The following ACADSB variants were observed in gnomAD, a reference collection of about 807,000 sequenced individuals.
ACADSB encodes the protein short/branched chain specific acyl-CoA dehydrogenase, mitochondrial.
In ACADSB, 40 loss-of-function variants were observed where a neutral mutation model predicts 54.1. The observed-to-expected ratio is 0.74, with a 90% CI of 0.57 to 0.96. The LOEUF (loss-of-function observed/expected upper bound fraction) is 0.96. Ranked by LOEUF, ACADSB falls within the 40% of genes least tolerant of loss-of-function variation. The pLI, the probability that ACADSB is intolerant of heterozygous loss-of-function variation, is 0.00. For missense variants in ACADSB, 530 were observed against 510.4 expected (o/e 1.04, Z -0.37); for synonymous variants, 182 against 182.8 (o/e 1.00, Z 0.03).
At position 123,044,459 on chromosome 10, in the gene ACADSB, G is replaced by A. The variant is rs1850523451; in HGVS notation, c.874G>A (p.Glu292Lys). The change falls in exon 7 of 11, where the codon GAA (glutamate) becomes AAA (lysine). Residue 292 changes from glutamate to lysine, a missense_variant. Transcript: ENST00000358776. ...TAAGTATGCCATAGGGAGTCTCAAT[G>A]AAGGTAGAATAGGAATTGCTGCACA... The part of the protein sequence containing the change: ...GYKYAIGSLN[E>K]GRIGIAAQML... 5.0e-6 allele frequency: 8 copies of A among 1,613,706 alleles called. No homozygotes were observed. The highest frequency in any genetic ancestry group is 6.8e-6 in the Non-Finnish European group (8 of 1,179,656).
intron 7 of ACADSB, 105 bp downstream of exon 7, chr10:123,044,590 G>C: frequency 1.1e-6 from 1 of 885,676 alleles, no homozygotes; most frequent in Non-Finnish European, 1.8e-6. Flanking sequence ...ACACAAGATG[G>C]CACCGTTCCC....
chr10:123,015,739 A>ATT (rs925033958), intron 1 of ACADSB, among the ~76,000 whole-genome samples: 1 of 152,242 alleles, frequency 6.6e-6, no homozygotes, highest in Admixed American at 6.5e-5. Context: ...TTGTTGAAAG[A>ATT]TTTCAATAGC....
intron 1 of ACADSB, among the ~76,000 whole-genome samples, chr10:123,018,940 T>C (rs1396122441): frequency 1.3e-5 from 2 of 152,186 alleles, no homozygotes; most frequent in African/African-American, 4.8e-5. Flanking sequence ...AGATGAGATT[T>C]GGGTGGGGAC....
intron 1 of ACADSB, among the ~76,000 whole-genome samples, chr10:123,014,885 AT>A (rs1850091757): frequency 6.6e-6 from 1 of 152,236 alleles, no homozygotes; most frequent in Non-Finnish European, 1.5e-5. Context: ...TTAAGAAATA[AT>A]ATGCCACTAT....
chr10:123,053,981 A>G lies in ACADSB; in HGVS notation c.*216A>G. On this transcript the variant is annotated 3_prime_UTR_variant, in exon 11 of 11. Coordinates refer to ENST00000358776, the MANE Select transcript of ACADSB (RefSeq NM_001609.4). The stretch of plus-strand genomic sequence containing the variant: ...AGGAGATCCACTTTTAAACTTGGGA[A>G]ATAAGCACCTGTATTTTTTTCCAAA... 1.7e-6 allele frequency: 1 copy of G among 605,030 alleles called. No individual in the cohort carries two copies. The highest frequency in any genetic ancestry group is 2.9e-6 in the Non-Finnish European group (1 of 342,602). 37.5% of individuals were successfully genotyped at this position (605,030 alleles called of 1,614,324 possible). A position where few individuals can be genotyped will look rare whatever the true frequency, so the allele number is the denominator to read the frequency against.
chr10:123,029,677 T>C (rs1210714774), intron 1 of ACADSB, among the ~76,000 whole-genome samples: 1 of 152,218 alleles, frequency 6.6e-6, no homozygotes, highest in African/African-American at 2.4e-5. Context: ...TGCATCAATA[T>C]ATGACAATTT....
intron 1 of ACADSB, among the ~76,000 whole-genome samples, chr10:123,024,308 G>A (rs112431906): frequency 0.019 from 2,873 of 152,336 alleles, 35 homozygotes; most frequent in African/African-American, 0.029. Flanking sequence ...GATTAGCTGC[G>A]CCACATGTAG....
At chr10:123,013,827 C>G (rs10902860) in intron 1 of ACADSB, among the ~76,000 whole-genome samples, 86,932 of 152,134 alleles carry the variant, frequency 0.57, 26,360 homozygotes, top group Non-Finnish European at 0.69. Flanking sequence ...CACGCCCACC[C>G]GGAACTCTAG....
chr10:123,026,802 C>T (rs778071836), intron 1 of ACADSB, among the ~76,000 whole-genome samples: 3 of 150,322 alleles, frequency 2.0e-5, no homozygotes, highest in Admixed American at 6.6e-5. Flanking sequence ...AAAATAAGAA[C>T]GTGTATTCCT....
intron 6 of ACADSB, 110 bp downstream of exon 6, chr10:123,043,281 G>T (rs543402644): frequency 1.5e-6 from 2 of 1,343,942 alleles, no homozygotes; most frequent in South Asian, 1.2e-5. Context: ...ATAAGCACAC[G>T]CAGGAGAGTA....
chr10:123,047,206 C>T lies in ACADSB; in HGVS notation c.901-3C>T. On this transcript the variant is annotated splice_polypyrimidine_tract_variant and splice_region_variant and intron_variant, in intron 7 of 10. Coordinates refer to ENST00000358776, the MANE Select transcript of ACADSB (RefSeq NM_001609.4). The stretch of plus-strand genomic sequence containing the variant: ...TTCTGATCTTATTTTTTTGTTTTAA[C>T]AGATGCTGGGACTGGCGCAAGGATG... The T allele has an allele frequency of 3.1e-6, 5 of 1,597,548 alleles. No individual in the cohort carries two copies. The highest frequency in any genetic ancestry group is 1.7e-4 in the Middle Eastern group (1 of 5,988).
chr10:123,052,994 A>T lies in ACADSB; in HGVS notation c.1129-67A>T. 7.9e-7 allele frequency: 1 copy of T among 1,260,412 alleles called. No individual in the cohort carries two copies. Among genetic ancestry groups the T allele is most frequent in the Non-Finnish European group, 1.2e-6 (1 of 859,422 alleles). The allele number at this position is 1,260,412 out of a possible 1,614,324, so 78.1% of individuals were successfully genotyped here. A position where few individuals can be genotyped will look rare whatever the true frequency, so the allele number is the denominator to read the frequency against. On this transcript the variant is annotated intron_variant, in intron 9 of 10. Coordinates refer to ENST00000358776, the MANE Select transcript of ACADSB (RefSeq NM_001609.4). This position sits in a 1 kb window ranked among gnomAD's most constrained non-coding sequence, Gnocchi z 4.2. ...GTAAATCCATGTTGCTGAAAATGTT[A>T]CCCAGAAGTGTTTATCATGTATAAG...
intron 2 of ACADSB, among the ~76,000 whole-genome samples, chr10:123,036,246 C>T (rs1356954400): frequency 1.3e-5 from 2 of 152,196 alleles, no homozygotes; most frequent in Non-Finnish European, 2.9e-5. Context: ...TGCCACCACG[C>T]CCAGCTAATT....
intron 7 of ACADSB, among the ~76,000 whole-genome samples, chr10:123,046,053 C>T (rs192971787): frequency 2.0e-5 from 3 of 152,284 alleles, no homozygotes; most frequent in African/African-American, 7.2e-5. Context: ...CTGATTATTT[C>T]AGTCTTCGTG....
chr10:123,033,894 T>G (rs1329091975), intron 1 of ACADSB, among the ~76,000 whole-genome samples: 2 of 152,054 alleles, frequency 1.3e-5, no homozygotes, highest in African/African-American at 4.8e-5. Context: ...CTGCCTGGGC[T>G]CTCTCAGCAC....
intron 1 of ACADSB, among the ~76,000 whole-genome samples, chr10:123,018,684 G>A (rs533751006): frequency 3.3e-5 from 5 of 152,274 alleles, no homozygotes; most frequent in African/African-American, 7.2e-5. Context: ...TAATGGATTC[G>A]CAGTTCCACG....
intron 8 of ACADSB, among the ~76,000 whole-genome samples, chr10:123,049,905 G>C (rs1413009174): frequency 3.9e-5 from 6 of 152,214 alleles, no homozygotes; most frequent in Non-Finnish European, 5.9e-5. Context: ...AAGATGGGTG[G>C]TAAGATTGGT....
Position 123,043,124 on chromosome 10 carries a change from G to T in ACADSB, c.760G>T (p.Gly254Trp). 6.2e-7 allele frequency: 1 copy of T among 1,614,006 alleles called. No individual in the cohort carries two copies. Among genetic ancestry groups the T allele is most frequent in the Non-Finnish European group, 8.5e-7 (1 of 1,179,934 alleles). Residue 254 changes from glycine (G) to tryptophan (W), a missense_variant, in exon 6 of 11, where the codon GGG becomes TGG. Transcript: ENST00000358776. ...TATAGGGAAACCTGAAAACAAATTGGGGCTCAGAGCTTCTTCCACCTGCCC... is the reference window on the plus strand; with the variant it reads ...TATAGGGAAACCTGAAAACAAATTGTGGCTCAGAGCTTCTTCCACCTGCCC... ...LHIGKPENKL[G>W]LRASSTCPLT...
chr10:123,025,403 G>T (rs1850238210), intron 1 of ACADSB, among the ~76,000 whole-genome samples: 1 of 152,122 alleles, frequency 6.6e-6, no homozygotes, highest in South Asian at 2.1e-4. Context: ...GGTCAAGACT[G>T]CAGTCAGCTG....
Sources: gnomAD v4.1 joint callset for allele counts (sites outside exome capture counted in the v4.1 genomes callset) on GRCh38, gnomAD v4.1.1 for gene constraint, Gnocchi (gnomAD v3.1) non-coding constraint, MANE v1.5 for transcripts, NCBI Gene and HGNC (gene_info 2026-07-23, HGNC 2026-07-21) for gene names.